DACH2: variants seen among roughly 807,000 people sequenced by gnomAD.
DACH2 encodes dachshund family transcription factor 2.
DACH2 carries 17 observed loss-of-function variants against 35.8 expected under a neutral mutation model. That is an observed-to-expected ratio of 0.48 (90% CI 0.33 to 0.71). The LOEUF (loss-of-function observed/expected upper bound fraction) is 0.71. DACH2 is among the 30% of genes least tolerant of loss of function. The probability of loss-of-function intolerance (pLI) is 0.02; values close to 1 mark genes in which losing one functional copy is unlikely to be tolerated. For synonymous variants in DACH2, 195 were observed against 177.3 expected, an observed-to-expected ratio of 1.10 and a Z score of -0.79; for missense variants, 469 against 472.7, an observed-to-expected ratio of 0.99 and a Z score of 0.07.
chrX:86,484,318 A>G (rs1394157763), intron 2 of DACH2, among the ~76,000 whole-genome samples: 2 of 111,875 alleles, frequency 1.8e-5, no homozygotes, highest in Non-Finnish European at 3.8e-5. Context: ...CAGATGTGCA[A>G]AGAAATACCA....
At chrX:86,298,085 A>G in intron 1 of DACH2, among the ~76,000 whole-genome samples, 1 of 112,076 alleles carries the variant, frequency 8.9e-6, no homozygotes, top group East Asian at 2.8e-4. Flanking sequence ...TTCATTTCAT[A>G]ATATGAGGAT....
intron 4 of DACH2, among the ~76,000 whole-genome samples, chrX:86,682,613 T>G (rs925292089): frequency 1.8e-5 from 2 of 111,582 alleles, no homozygotes; most frequent in Admixed American, 1.9e-4. Context: ...ATAATTATAG[T>G]TTTAATTACT....
chrX:86,652,631 T>C (rs1189346878), intron 4 of DACH2, among the ~76,000 whole-genome samples: 1 of 112,119 alleles, frequency 8.9e-6, no homozygotes, highest in Non-Finnish European at 1.9e-5. Context: ...TTCATAGTAA[T>C]AGCCGTTCTG....
intron 3 of DACH2, among the ~76,000 whole-genome samples, chrX:86,527,577 T>C (rs2148284196): frequency 8.9e-6 from 1 of 112,687 alleles, no homozygotes; most frequent in South Asian, 3.6e-4. Flanking sequence ...GAATATAACA[T>C]AATTTGTTTA....
At chrX:86,412,403 T>C (rs769505803) in intron 2 of DACH2, among the ~76,000 whole-genome samples, 3 of 111,718 alleles carry the variant, frequency 2.7e-5, no homozygotes, top group Non-Finnish European at 5.6e-5. Context: ...AGAGCATACA[T>C]GGCCTTCTGG....
chrX:86,449,460 A>G (rs2037327878), intron 2 of DACH2, among the ~76,000 whole-genome samples: 1 of 111,387 alleles, frequency 9.0e-6, no homozygotes, highest in African/African-American at 3.3e-5. Context: ...TATATCTTTT[A>G]AGTGGAGAAT....
intron 7 of DACH2, among the ~76,000 whole-genome samples, chrX:86,750,297 A>G (rs1420792900): frequency 8.9e-6 from 1 of 112,044 alleles, no homozygotes; most frequent in Non-Finnish European, 1.9e-5. Context: ...TGTATTTACT[A>G]TGAAAACACA....
intron 3 of DACH2, among the ~76,000 whole-genome samples, chrX:86,527,196 A>T (rs1188932806): frequency 9.0e-6 from 1 of 111,663 alleles, no homozygotes; most frequent in Admixed American, 9.5e-5. Flanking sequence ...ACATTCTTTA[A>T]AAAAGGTTTT....
chrX:86,756,488 T>A (rs888666583), intron 7 of DACH2, among the ~76,000 whole-genome samples: 3 of 104,741 alleles, frequency 2.9e-5, no homozygotes, highest in Non-Finnish European at 5.9e-5. Context: ...TTTTTTTTTT[T>A]ATTTTTGTAG....
Position 86,492,093 on chromosome X carries a change from T to C in DACH2, c.528-22186T>C, listed in dbSNP as rs185964163. Among the ~76,000 whole-genome samples, 3 of 111,909 alleles carry C rather than the reference T, an allele frequency of 2.7e-5. No individual in the cohort carries two copies. In the East Asian group the frequency reaches 8.4e-4, roughly 31 times the overall value. On this transcript the variant is annotated intron_variant, in intron 2 of 11. Transcript: ENST00000373125. The stretch of plus-strand genomic sequence containing the variant: ...CCCATGTATGTGGAATCCTGCAGTA[T>C]TTGTCTCTGTGACTGCTTTATTTCA...
chrX:86,670,198 A>C (rs1256426286), intron 4 of DACH2, among the ~76,000 whole-genome samples: 3 of 111,086 alleles, frequency 2.7e-5, no homozygotes, highest in Non-Finnish European at 5.7e-5. Flanking sequence ...TAGGATGATA[A>C]ATATATCAAG....
At position 86,388,615 on chromosome X, in the gene DACH2, T is replaced by C. The variant is rs1369939209; in HGVS notation, c.527+11753T>C. Among the ~76,000 whole-genome samples the C allele has an allele frequency of 3.6e-5, 4 of 111,942 alleles. No homozygotes were observed. In the East Asian group the frequency reaches 1.1e-3, roughly 32 times the overall value. ...AATATTTGAAGTCCAGGAAGAACCA[T>C]GTAGCTTTGGAAACTGCAAAAATAT... On this transcript the variant is annotated intron_variant, in intron 2 of 11. Coordinates refer to ENST00000373125, the MANE Select transcript of DACH2 (RefSeq NM_053281.3).
chrX:86,774,324 T>A (rs1367560904), intron 7 of DACH2, among the ~76,000 whole-genome samples: 2 of 112,079 alleles, frequency 1.8e-5, no homozygotes, highest in African/African-American at 6.5e-5. Flanking sequence ...AACATTAGTT[T>A]ATTGTTTCCT....
At chrX:86,355,890 T>C (rs906643683) in intron 1 of DACH2, among the ~76,000 whole-genome samples, 2 of 111,535 alleles carry the variant, frequency 1.8e-5, no homozygotes, top group Non-Finnish European at 3.8e-5. Flanking sequence ...GTTTCTTTTT[T>C]GCTTATTTAA....
intron 1 of DACH2, among the ~76,000 whole-genome samples, chrX:86,276,162 G>A (rs901169273): frequency 9.0e-6 from 1 of 111,671 alleles, no homozygotes; most frequent in African/African-American, 3.3e-5. Flanking sequence ...GTGTACAAGG[G>A]TTCCTTTTCC....
At chrX:86,409,581 C>A (rs2036578534) in intron 2 of DACH2, among the ~76,000 whole-genome samples, 1 of 111,034 alleles carries the variant, frequency 9.0e-6, no homozygotes, top group Admixed American at 9.7e-5. Context: ...ATGTGACATA[C>A]CTGCTCCCCC....
chrX:86,167,563 T>C (rs2030984503), intron 1 of DACH2, among the ~76,000 whole-genome samples: 1 of 111,508 alleles, frequency 9.0e-6, no homozygotes, highest in African/African-American at 3.2e-5. Context: ...CCAATTTTCA[T>C]TATTTATTTT....
intron 3 of DACH2, among the ~76,000 whole-genome samples, chrX:86,595,736 A>T (rs771062627): frequency 9.2e-6 from 1 of 108,643 alleles, no homozygotes; most frequent in African/African-American, 3.3e-5. Flanking sequence ...AGCTATAGTT[A>T]TATATATAGT....
intron 3 of DACH2, among the ~76,000 whole-genome samples, chrX:86,597,010 A>T (rs767021304): frequency 9.0e-6 from 1 of 111,586 alleles, no homozygotes; most frequent in African/African-American, 3.2e-5. Context: ...TCTTTACAAA[A>T]GTTCTAGACT....
Sources: gnomAD v4.1 joint callset for allele counts (sites outside exome capture counted in the v4.1 genomes callset) on GRCh38, gnomAD v4.1.1 for gene constraint, MANE v1.5 for transcripts, NCBI Gene and HGNC (gene_info 2026-07-23, HGNC 2026-07-21) for gene names.